Variants in SEM1 observed in about 807,000 individuals in gnomAD.
SEM1 encodes the protein 26S proteasome complex subunit SEM1.
SEM1 carries 3 observed loss-of-function variants against 12.7 expected under a neutral mutation model. The observed-to-expected ratio is 0.24, with a 90% CI of 0.11 to 0.61. The LOEUF (loss-of-function observed/expected upper bound fraction) is 0.61, where lower values mean the gene tolerates loss of function less well. SEM1 is among the 20% of genes least tolerant of loss of function. The pLI is 0.88. For missense variants in SEM1, 59 were observed against 81.3 expected (o/e 0.73, Z 1.06); for synonymous variants, 30 against 27.8 (o/e 1.08, Z -0.25).
At chr7:96,687,113 A>G (rs1789782873), downstream of SEM1, among the ~76,000 whole-genome samples, 3 of 152,158 alleles carry the variant, frequency 2.0e-5, no homozygotes, top group South Asian at 2.1e-4. Context: ...TTAGAATGGC[A>G]ATCATTAAAA....
At chr7:96,577,648 G>C (rs1806250516) in intron 2 of SEM1, among the ~76,000 whole-genome samples, 1 of 151,988 alleles carries the variant, frequency 6.6e-6, no homozygotes, top group Non-Finnish European at 1.5e-5. Context: ...AAAACCCAGA[G>C]CTCAGGATTT....
chr7:96,695,144 ATTT>A (rs1186910172), intron 1 of SEM1: 2 of 294,316 alleles, frequency 6.8e-6, no homozygotes, highest in Non-Finnish European at 1.2e-5. Context: ...TCAGGAGGAT[ATTT>A]ACTTTACTGA....
At chr7:96,615,820 T>TAGTTTAA (rs1431848190) in intron 2 of SEM1, among the ~76,000 whole-genome samples, 1 of 152,190 alleles carries the variant, frequency 6.6e-6, no homozygotes, top group Non-Finnish European at 1.5e-5. Flanking sequence ...ATTGTTTAGC[T>TAGTTTAA]CCCACTTGTA....
At chr7:96,492,093 C>T (rs948081509) in intron 1 of SEM1, among the ~76,000 whole-genome samples, 2 of 152,124 alleles carry the variant, frequency 1.3e-5, no homozygotes, top group Non-Finnish European at 2.9e-5. Flanking sequence ...ATAAACTTAA[C>T]CATTTTAGCC....
chr7:96,573,662 T>C (rs1806111663), intron 2 of SEM1, among the ~76,000 whole-genome samples: 1 of 152,204 alleles, frequency 6.6e-6, no homozygotes, highest in Non-Finnish European at 1.5e-5. Context: ...CTTCCCTTTG[T>C]GGGTAATCCG....
downstream of SEM1, among the ~76,000 whole-genome samples, chr7:96,672,050 G>C (rs1563106394): frequency 3.3e-5 from 5 of 152,212 alleles, no homozygotes; most frequent in Non-Finnish European, 5.9e-5. Flanking sequence ...CTCATTGGGT[G>C]AAAGTCTGTG....
At chr7:96,637,275 C>T (rs532698481) in intron 2 of SEM1, 1 of 152,164 alleles carries the variant, frequency 6.6e-6, no homozygotes, top group South Asian at 2.1e-4. Flanking sequence ...GTTCTTCACC[C>T]TCACACAGAG....
chr7:96,644,134 T>C (rs1005304224), intron 2 of SEM1, among the ~76,000 whole-genome samples: 1 of 152,046 alleles, frequency 6.6e-6, no homozygotes, highest in Non-Finnish European at 1.5e-5. Flanking sequence ...TGGGGTTTGC[T>C]CCTCTAAATG....
chr7:96,531,431 A>AC (rs1037607765), intron 2 of SEM1, among the ~76,000 whole-genome samples: 3 of 150,864 alleles, frequency 2.0e-5, no homozygotes, highest in African/African-American at 7.3e-5. Context: ...AAAAACAACA[A>AC]AAAAAAACAA....
At chr7:96,672,228 C>A (rs754627318), downstream of SEM1, among the ~76,000 whole-genome samples, 5 of 152,180 alleles carry the variant, frequency 3.3e-5, no homozygotes, top group Non-Finnish European at 7.3e-5. Context: ...CAGTGGTGGG[C>A]AGGAAACCAA....
At chr7:96,561,684 A>G (rs1341135634) in intron 2 of SEM1, among the ~76,000 whole-genome samples, 1 of 152,224 alleles carries the variant, frequency 6.6e-6, no homozygotes, top group African/African-American at 2.4e-5. Context: ...TAGCTTTGGA[A>G]TGATTTAAAT....
intron 2 of SEM1, among the ~76,000 whole-genome samples, chr7:96,519,484 T>C (rs751687093): frequency 6.6e-6 from 1 of 151,884 alleles, no homozygotes; most frequent in African/African-American, 2.4e-5. Context: ...GTAAGTGGGA[T>C]TGGAGATGTG....
At chr7:96,619,226 T>C (rs561389748), downstream of SEM1, among the ~76,000 whole-genome samples, 13 of 152,306 alleles carry the variant, frequency 8.5e-5, no homozygotes, top group African/African-American at 2.9e-4. Context: ...AGTTGTCTGT[T>C]CTAATTTTTT....
chr7:96,699,272 CTAA>C (rs757858858), intron 1 of SEM1, among the ~76,000 whole-genome samples: 4 of 152,294 alleles, frequency 2.6e-5, no homozygotes, highest in African/African-American at 4.8e-5. Context: ...CACTTCATTT[CTAA>C]TAATAATTTA....
rs80342220 is a variant in SEM1 at position 96,539,564 on chromosome 7, T to C, written c.171-32866A>G. Among the ~76,000 whole-genome samples the C allele has an allele frequency of 5.9e-3, 892 of 151,870 alleles. 8 individuals carry two copies. Among genetic ancestry groups the C allele is most frequent in the African/African-American group, 0.021 (862 of 41,478 alleles). On this transcript the variant is annotated intron_variant and NMD_transcript_variant, in intron 2 of 3. Coordinates refer to the SEM1 transcript ENST00000466986. The stretch of plus-strand genomic sequence containing the variant: ...AATTCTAGAAGAATTAGAAATTCTA[T>C]TTACAACTGGAAATGATGGGATCCA...
At chr7:96,673,824 G>A (rs1367675324) in exon 3 of SEM1, 2 of 765,078 alleles carry the variant, frequency 2.6e-6, no homozygotes, top group Non-Finnish European at 2.4e-6. Context: ...GCCATACGGG[G>A]TTTCACAGAC....
At chr7:96,531,735 G>C (rs1300622996) in intron 2 of SEM1, among the ~76,000 whole-genome samples, 1 of 152,000 alleles carries the variant, frequency 6.6e-6, no homozygotes, top group African/African-American at 2.4e-5. Context: ...CAGTGTTAAA[G>C]AAATTTTAAC....
intron 1 of SEM1, among the ~76,000 whole-genome samples, chr7:96,487,128 AG>A (rs1408536064): frequency 2.7e-5 from 4 of 150,842 alleles, no homozygotes; most frequent in Non-Finnish European, 4.4e-5. Context: ...GGCTGGGACT[AG>A]GGAGAGACCA....
chr7:96,675,861 G>A (rs1584855023), intron 2 of SEM1, among the ~76,000 whole-genome samples: 1 of 152,164 alleles, frequency 6.6e-6, no homozygotes, highest in Non-Finnish European at 1.5e-5. Context: ...AGACTTTAAG[G>A]TCCTGATGCC....
Sources: gnomAD v4.1 joint callset for allele counts (sites outside exome capture counted in the v4.1 genomes callset) on GRCh38, gnomAD v4.1.1 for gene constraint, MANE v1.5 for transcripts, NCBI Gene and HGNC (gene_info 2026-07-23, HGNC 2026-07-21) for gene names.